ATRNL1: variants seen among roughly 807,000 people sequenced by gnomAD.
The protein encoded by ATRNL1 is attractin like 1, also known as attractin-like protein 1.
A neutral mutation model predicts 182.7 loss-of-function variants in ATRNL1; 95 were observed. The ratio of observed to expected loss-of-function variants is 0.52; its 90% CI spans 0.44 to 0.62. The LOEUF (loss-of-function observed/expected upper bound fraction) is 0.62. ATRNL1 is among the 20% of genes least tolerant of loss of function. The pLI is 0.00. For missense variants in ATRNL1, 1,471 were observed against 1,679.5 expected (o/e 0.88, Z 2.17); for synonymous variants, 576 against 568.3 (o/e 1.01, Z -0.19).
At chr10:115,556,164 A>G (rs1464427825) in intron 26 of ATRNL1, among the ~76,000 whole-genome samples, 2 of 152,076 alleles carry the variant, frequency 1.3e-5, no homozygotes, top group African/African-American at 2.4e-5. Context: ...ATTATGACAC[A>G]ATCATTATTT....
At chr10:115,702,396 A>G (rs531254201) in intron 26 of ATRNL1, among the ~76,000 whole-genome samples, 4 of 152,180 alleles carry the variant, frequency 2.6e-5, no homozygotes, top group South Asian at 2.1e-4. Context: ...CCTATTCAAC[A>G]TAGTTCTGGA....
At chr10:115,473,548 C>T (rs1350207977) in intron 24 of ATRNL1, among the ~76,000 whole-genome samples, 7 of 151,176 alleles carry the variant, frequency 4.6e-5, no homozygotes, top group Non-Finnish European at 8.9e-5. Flanking sequence ...TTCTTGTAGT[C>T]TCCTTGCCTG....
At chr10:115,549,326 C>A in intron 25 of ATRNL1, 132 bp from the exon 26 acceptor site, 2 of 479,976 alleles carry the variant, frequency 4.2e-6, no homozygotes, top group Non-Finnish European at 6.7e-6. Flanking sequence ...GGAAATTTAT[C>A]ATATTTTTGA....
intron 26 of ATRNL1, among the ~76,000 whole-genome samples, chr10:115,558,635 C>T (rs560912269): frequency 6.6e-6 from 1 of 152,198 alleles, no homozygotes; most frequent in East Asian, 1.9e-4. Flanking sequence ...TCCCTGCCCC[C>T]AAACCTAGGC....
In ATRNL1 at chr10:115,645,841, A is replaced by G. The variant is rs542363084; in HGVS notation, c.3796-81407A>G. The stretch of plus-strand genomic sequence containing the variant: ...ACTCATTTCCTGCCACCCCATCCCT[A>G]TTGTGTTTGAAGTAGAAAGCTAAAG... On this transcript the variant is annotated intron_variant, in intron 26 of 28. Coordinates refer to ENST00000355044, the MANE Select transcript of ATRNL1 (RefSeq NM_207303.4). 5.9e-5 allele frequency among the ~76,000 whole-genome samples: 9 copies of G among 152,118 alleles called. No homozygotes were observed. In the South Asian group the frequency reaches 1.2e-3, roughly 21 times the overall value.
chr10:115,804,327 A>G (rs1555085158), intron 27 of ATRNL1, among the ~76,000 whole-genome samples: 1 of 152,110 alleles, frequency 6.6e-6, no homozygotes, highest in African/African-American at 2.4e-5. Flanking sequence ...GTCCCTTTAC[A>G]GTGTATATGT....
chr10:115,616,502 A>G (rs2133792037), intron 26 of ATRNL1, among the ~76,000 whole-genome samples: 1 of 152,318 alleles, frequency 6.6e-6, no homozygotes, highest in South Asian at 2.1e-4. Flanking sequence ...GCCAAGTACC[A>G]GTAGCCAAGA....
chr10:115,294,575 A>C (rs1853085902), intron 15 of ATRNL1, among the ~76,000 whole-genome samples: 1 of 151,974 alleles, frequency 6.6e-6, no homozygotes, highest in Non-Finnish European at 1.5e-5. Flanking sequence ...TTTCTTTCTG[A>C]TATTTCATAT....
chr10:115,736,362 T>A, intron 27 of ATRNL1, among the ~76,000 whole-genome samples: 1 of 152,140 alleles, frequency 6.6e-6, no homozygotes, highest in Non-Finnish European at 1.5e-5. Context: ...TTTCTAAAGT[T>A]ATATTTTATT....
intron 4 of ATRNL1, chr10:115,128,436 T>C (rs1845069259): frequency 2.5e-6 from 2 of 798,084 alleles, no homozygotes. Context: ...AGAGAATTTT[T>C]CACCAGAAAT....
At position 115,562,318 on chromosome 10, in the gene ATRNL1, G is replaced by T. The variant is rs77717536; in HGVS notation, c.3795+12782G>T. ...TGTGCTTGGGTATTTGATGGAATGT[G>T]GGGCCAGATGGAGAATGATTGTTAA... On this transcript the variant is annotated intron_variant, in intron 26 of 28. Coordinates refer to ENST00000355044, the MANE Select transcript of ATRNL1 (RefSeq NM_207303.4). 9.3e-3 allele frequency among the ~76,000 whole-genome samples: 1,415 copies of T among 152,252 alleles called. 12 individuals are homozygous for T. Among genetic ancestry groups the T allele is most frequent in the Non-Finnish European group, 0.015 (1,033 of 68,014 alleles).
intron 27 of ATRNL1, among the ~76,000 whole-genome samples, chr10:115,841,346 T>C (rs980154402): frequency 6.6e-6 from 1 of 152,138 alleles, no homozygotes; most frequent in African/African-American, 2.4e-5. Context: ...ATCTAGATAG[T>C]ATACTATAAA....
At chr10:115,715,819 G>T (rs1555056121) in intron 26 of ATRNL1, among the ~76,000 whole-genome samples, 1 of 152,076 alleles carries the variant, frequency 6.6e-6, no homozygotes, top group Admixed American at 6.6e-5. Context: ...GGTATTCAAG[G>T]GTCCTAGATG....
rs1357155699 is a variant in ATRNL1 at position 115,364,195 on chromosome 10, T to A, written c.3175+29776T>A. ...TTGTTTGTATCCTCTTTTATTTCCT[T>A]GAGCAGTGGTTTGTAGTTCTCCTTG... On this transcript the variant is annotated intron_variant, in intron 19 of 28. Transcript: ENST00000355044. 1.3e-3 allele frequency among the ~76,000 whole-genome samples: 181 copies of A among 139,856 alleles called. 3 individuals carry two copies. In the East Asian group the frequency reaches 0.019, roughly 15 times the overall value. 91.8% of individuals were successfully genotyped at this position (139,856 alleles called of 152,430 possible).
intron 8 of ATRNL1, among the ~76,000 whole-genome samples, chr10:115,184,110 A>C (rs1205003380): frequency 6.6e-6 from 1 of 151,518 alleles, no homozygotes; most frequent in Non-Finnish European, 1.5e-5. Context: ...ACTATTATGA[A>C]ATATATTAAT....
intron 19 of ATRNL1, among the ~76,000 whole-genome samples, chr10:115,361,531 C>T (rs1437363031): frequency 1.3e-5 from 2 of 152,024 alleles, no homozygotes; most frequent in African/African-American, 4.8e-5. Flanking sequence ...GGTGTCTACT[C>T]ACAGACACAT....
At chr10:115,873,786 G>A (rs1052422202) in intron 28 of ATRNL1, among the ~76,000 whole-genome samples, 1 of 152,222 alleles carries the variant, frequency 6.6e-6, no homozygotes, top group African/African-American at 2.4e-5. Context: ...CAATGAGACT[G>A]AGACAATACC....
chr10:115,703,460 A>G (rs1946801887), intron 26 of ATRNL1, among the ~76,000 whole-genome samples: 1 of 151,930 alleles, frequency 6.6e-6, no homozygotes, highest in South Asian at 2.1e-4. Context: ...GAACATTGTT[A>G]TAAATATCAA....
At chr10:115,561,629 G>T (rs1853715417) in intron 26 of ATRNL1, among the ~76,000 whole-genome samples, 1 of 151,000 alleles carries the variant, frequency 6.6e-6, no homozygotes, top group African/African-American at 2.4e-5. Flanking sequence ...TCCTTGCGGG[G>T]ATCCTGGAAC....
Sources: allele counts gnomAD v4.1 joint callset (sites outside exome capture counted in the v4.1 genomes callset), GRCh38; gene constraint gnomAD v4.1.1; transcripts MANE v1.5; gene names NCBI Gene and HGNC (gene_info 2026-07-23, HGNC 2026-07-21).